TNFAIP8: variants seen among roughly 807,000 people sequenced by gnomAD.
TNFAIP8 encodes the protein TNF alpha induced protein 8.
A neutral mutation model predicts 13.3 loss-of-function variants in TNFAIP8; 7 were observed. The observed-to-expected ratio is 0.52, with a 90% CI of 0.30 to 0.99. The LOEUF (loss-of-function observed/expected upper bound fraction) is 0.99. Among genes scored for constraint, TNFAIP8 ranks in the 50% least tolerant of loss-of-function variants. The pLI, the probability that TNFAIP8 is intolerant of heterozygous loss-of-function variation, is 0.07. For synonymous variants in TNFAIP8, 94 were observed against 87.6 expected (o/e 1.07, Z -0.41); for missense variants, 258 against 236.9 (o/e 1.09, Z -0.58).
intron 1 of TNFAIP8, among the ~76,000 whole-genome samples, chr5:119,303,058 A>ACT (rs948175372): frequency 6.6e-6 from 1 of 151,838 alleles, no homozygotes; most frequent in Non-Finnish European, 1.5e-5. Flanking sequence ...TGTTAGAAAG[A>ACT]CTCCCTTCAT....
chr5:119,350,780 C>A (rs1341746198), intron 1 of TNFAIP8, among the ~76,000 whole-genome samples: 3 of 152,106 alleles, frequency 2.0e-5, no homozygotes, highest in African/African-American at 7.2e-5. Flanking sequence ...AGGGATTACC[C>A]ATAACTTCAA....
chr5:119,362,817 A>C lies in TNFAIP8; in HGVS notation c.31+6696A>C, dbSNP rs1751686212. Among the ~76,000 whole-genome samples, 3 of 152,012 alleles carry C rather than the reference A, an allele frequency of 2.0e-5. No individual in the cohort carries two copies. In the South Asian group the frequency reaches 6.2e-4, roughly 32 times the overall value. On this transcript the variant is annotated intron_variant, in intron 1 of 1. Transcript: ENST00000504771. Reference sequence around the variant, plus strand: ...AAAAAAAAAAAAAGAAAAAAGAAATAGGATGGTTTTCAGCTGGATGGAGGA... The same window carrying C: ...AAAAAAAAAAAAAGAAAAAAGAAATCGGATGGTTTTCAGCTGGATGGAGGA...
chr5:119,273,450 A>C (rs915787585), intron 1 of TNFAIP8, among the ~76,000 whole-genome samples: 37 of 150,644 alleles, frequency 2.5e-4, no homozygotes, highest in African/African-American at 8.7e-4. Context: ...GCACAACTTC[A>C]GTGATTGCTA....
intron 1 of TNFAIP8, among the ~76,000 whole-genome samples, chr5:119,334,500 C>T (rs1750486391): frequency 6.6e-6 from 1 of 151,712 alleles, no homozygotes; most frequent in African/African-American, 2.4e-5. Flanking sequence ...GAACCCTTGG[C>T]AGCCAATAAA....
chr5:119,360,544 T>A (rs7729690), intron 1 of TNFAIP8, among the ~76,000 whole-genome samples: 17,727 of 152,262 alleles, frequency 0.12, 1,574 homozygotes, highest in African/African-American at 0.26. Flanking sequence ...ACACATAGAA[T>A]CACCATGATT....
At chr5:119,373,281 C>G (rs1211319310) in intron 1 of TNFAIP8, among the ~76,000 whole-genome samples, 1 of 152,176 alleles carries the variant, frequency 6.6e-6, no homozygotes, top group African/African-American at 2.4e-5. Flanking sequence ...ACTCTTACCC[C>G]AAAATGTAAG....
chr5:119,275,013 A>ATTT (rs5870846), intron 1 of TNFAIP8, among the ~76,000 whole-genome samples: 2,575 of 142,754 alleles, frequency 0.018, 28 homozygotes, highest in Non-Finnish European at 0.022. Context: ...TTTTTTTTTA[A>ATTT]TTTTTTTTTT....
intron 1 of TNFAIP8, among the ~76,000 whole-genome samples, chr5:119,388,092 T>C (rs998421437): frequency 2.6e-5 from 4 of 152,184 alleles, no homozygotes; most frequent in African/African-American, 9.7e-5. Flanking sequence ...CAGCCAGAAG[T>C]AGAGGTGGGC....
At chr5:119,289,096 T>C (rs1012141308) in intron 1 of TNFAIP8, among the ~76,000 whole-genome samples, 8 of 152,238 alleles carry the variant, frequency 5.3e-5, no homozygotes, top group African/African-American at 1.9e-4. Flanking sequence ...AAATGTTGAT[T>C]CAAAGTAAAT....
At chr5:119,306,324 CTTTTTTTTT>C (rs753326772) in intron 1 of TNFAIP8, 5 of 104,482 alleles carry the variant, frequency 4.8e-5, no homozygotes, top group Admixed American at 8.9e-5. Context: ...CTTTCTTTTT[CTTTTTTTTT>C]TTTTTTTCCA....
In TNFAIP8 at chr5:119,310,373, C is replaced by T. The variant is rs139055101; in HGVS notation, c.1+41466C>T. On this transcript the variant is annotated intron_variant, in intron 1 of 1. Transcript: ENST00000274456. ...ACTTCTCCTAGGACAGTTACCCCAG[C>T]AGGGATACTTCGCTGGAGAAGGCCA... 2.2e-3 allele frequency among the ~76,000 whole-genome samples: 327 copies of T among 152,084 alleles called. 2 individuals carry two copies. Among genetic ancestry groups the T allele is most frequent in the South Asian group, 5.6e-3 (27 of 4,830 alleles).
At chr5:119,371,092 T>G (rs1172041375) in intron 1 of TNFAIP8, among the ~76,000 whole-genome samples, 1 of 152,220 alleles carries the variant, frequency 6.6e-6, no homozygotes, top group Non-Finnish European at 1.5e-5. Flanking sequence ...GTTTCTAAAT[T>G]TTGATGGGGT....
intron 1 of TNFAIP8, among the ~76,000 whole-genome samples, chr5:119,330,722 G>A (rs774092072): frequency 2.6e-5 from 4 of 152,108 alleles, no homozygotes; most frequent in Admixed American, 6.5e-5. Flanking sequence ...ACACACACAC[G>A]GAAGGGAAGG....
intron 1 of TNFAIP8, among the ~76,000 whole-genome samples, chr5:119,370,979 T>A (rs1160024995): frequency 6.6e-6 from 1 of 152,228 alleles, no homozygotes; most frequent in Non-Finnish European, 1.5e-5. Flanking sequence ...TATTTTGTGA[T>A]AATGTAAACT....
At chr5:119,323,093 A>C (rs1750113770) in intron 1 of TNFAIP8, among the ~76,000 whole-genome samples, 1 of 152,104 alleles carries the variant, frequency 6.6e-6, no homozygotes, top group Non-Finnish European at 1.5e-5. Flanking sequence ...ACTGCCTGTC[A>C]CTGTGCACTG....
At chr5:119,335,757 A>G (rs1409628614) in intron 1 of TNFAIP8, among the ~76,000 whole-genome samples, 2 of 152,072 alleles carry the variant, frequency 1.3e-5, no homozygotes, top group Non-Finnish European at 2.9e-5. Context: ...GAGAGCTGAT[A>G]TTCTAGGTGT....
chr5:119,318,073 AATTAT>A (rs1224737285), intron 1 of TNFAIP8, among the ~76,000 whole-genome samples: 1 of 152,236 alleles, frequency 6.6e-6, no homozygotes, highest in Admixed American at 6.5e-5. Flanking sequence ...CACCTTGATT[AATTAT>A]ATTAATTAAT....
At chr5:119,271,555 C>G (rs190071567) in intron 1 of TNFAIP8, among the ~76,000 whole-genome samples, 1 of 152,056 alleles carries the variant, frequency 6.6e-6, no homozygotes, top group Non-Finnish European at 1.5e-5. Flanking sequence ...CTCCAGGAGA[C>G]GGGAGAAGCA....
At chr5:119,329,807 A>G (rs1876738) in intron 1 of TNFAIP8, among the ~76,000 whole-genome samples, 20,149 of 151,224 alleles carry the variant, frequency 0.13, 1,721 homozygotes, top group Middle Eastern at 0.2. Flanking sequence ...AGCCTTGTCT[A>G]GACATGGACC....
Sources: allele counts gnomAD v4.1 joint callset (sites outside exome capture counted in the v4.1 genomes callset), GRCh38; gene constraint gnomAD v4.1.1; transcripts MANE v1.5; gene names NCBI Gene and HGNC (gene_info 2026-07-23, HGNC 2026-07-21).